The following PRDM9 variants were observed in gnomAD, a reference collection of about 807,000 sequenced individuals.
The protein encoded by PRDM9 is histone-lysine N-methyltransferase PRDM9.
A neutral mutation model predicts 55.6 loss-of-function variants in PRDM9; 47 were observed. The ratio of observed to expected loss-of-function variants is 0.85; its 90% CI spans 0.67 to 1.08. The LOEUF (loss-of-function observed/expected upper bound fraction) is 1.08, where lower values mean the gene tolerates loss of function less well. Ranked by LOEUF, PRDM9 falls within the 50% of genes least tolerant of loss-of-function variation. The probability of loss-of-function intolerance (pLI) is 0.00; values close to 1 mark genes in which losing one functional copy is unlikely to be tolerated. For synonymous variants in PRDM9, 312 were observed against 375.7 expected, an observed-to-expected ratio of 0.83 and a Z score of 1.96; for missense variants, 867 against 1,040.3, an observed-to-expected ratio of 0.83 and a Z score of 2.29.
chr5:23,519,978 A>C (rs2126422887), intron 5 of PRDM9, among the ~76,000 whole-genome samples: 1 of 151,844 alleles, frequency 6.6e-6, no homozygotes, highest in Non-Finnish European at 1.5e-5. Flanking sequence ...CGGGAGGTGA[A>C]GGCTGCAGTG....
At chr5:23,521,227 A>C (rs1739322168) in intron 6 of PRDM9, 48 bp downstream of exon 6, 1 of 1,605,032 alleles carries the variant, frequency 6.2e-7, no homozygotes, top group African/African-American at 1.3e-5. Flanking sequence ...TGTCCTCTAG[A>C]AAGGTTGATG....
chr5:23,523,197 T>G, intron 8 of PRDM9, 94 bp from the exon 9 acceptor site: 2 of 1,416,114 alleles, frequency 1.4e-6, no homozygotes, highest in African/African-American at 2.8e-5. Flanking sequence ...GCTGAAGCTA[T>G]GCAGGCCCAA....
In PRDM9 at chr5:23,509,878, C is replaced by A. The variant is rs747546513; in HGVS notation, c.194-42C>A. On this transcript the variant is annotated intron_variant, in intron 3 of 10. Coordinates refer to ENST00000296682, the MANE Select transcript of PRDM9 (RefSeq NM_020227.4). ...TTGCCACTGCCCTTTGTTCCTTCTCCCAGCTCTTCCATTTTAGAACAAAAT... is the reference window on the plus strand; with the variant it reads ...TTGCCACTGCCCTTTGTTCCTTCTCACAGCTCTTCCATTTTAGAACAAAAT... The A allele has an allele frequency of 1.5e-5, 24 of 1,608,188 alleles. No individual in the cohort carries two copies. In the Admixed American group the frequency reaches 2.7e-4, roughly 18 times the overall value.
chr5:23,512,536 C>T (rs10062249), intron 4 of PRDM9, among the ~76,000 whole-genome samples: 3,854 of 152,154 alleles, frequency 0.025, 152 homozygotes, highest in African/African-American at 0.086. Flanking sequence ...GGCTCTTTAG[C>T]GGGAATCTAT....
At position 23,522,356 on chromosome 5, in the gene PRDM9, G is replaced by C; in HGVS notation, c.561G>C (p.Lys187Asn). Residue 187 changes from lysine to asparagine, a missense_variant, in exon 7 of 11, where the codon AAG (lysine) becomes AAC (asparagine). Lys to Asn is a moderately conservative substitution (Grantham distance 94, BLOSUM62 0). This residue lies in a region of PRDM9 where 662 missense variants were observed against 711.9 expected (regional missense o/e 0.93). Transcript: ENST00000296682. ...AGATGTATAGCCTGCGAGAAAGAAA[G>C]GGTCATGCATACAAAGAGGTCAGCG... Reference protein sequence around the residue: ...ERKMYSLRERKGHAYKEVSEP... With the variant: ...ERKMYSLRERNGHAYKEVSEP... 1 of 1,614,146 alleles carries C rather than the reference G, an allele frequency of 6.2e-7. No homozygotes were observed. The highest frequency in any genetic ancestry group is 8.5e-7 in the Non-Finnish European group (1 of 1,180,024).
rs750001060 is a variant in PRDM9 at position 23,522,830 on chromosome 5, A to T, written c.827A>T (p.Tyr276Phe). 4 of 1,614,116 alleles carry T rather than the reference A, an allele frequency of 2.5e-6. No homozygotes were observed. The South Asian group carries it at 3.3e-5, about 13-fold the overall frequency. The change falls in exon 8 of 11, where the codon TAT becomes TTT. Residue 276 changes from tyrosine to phenylalanine, a missense_variant. By Grantham distance (22) the Tyr-to-Phe change is conservative. Transcript: ENST00000296682. ...CCGCTGGGTCTGCACTTTGGCCCTT[A>T]TGAGGGCCGAATTACAGAAGACGAA... ...DLPLGLHFGPYEGRITEDEEA... is the reference protein window; with the variant it reads ...DLPLGLHFGPFEGRITEDEEA...
Position 23,522,317 on chromosome 5 carries a change from G to A in PRDM9, c.522G>A (p.Lys174=), listed in dbSNP as rs1325070919. ...TCTCCAACCTAGAACTCAGGAAGAA[G>A]GAGACTGAAAGAAAGATGTATAGCC... ...HSRLKLELRK[K]ETERKMYSLR... is the part of the protein sequence containing the mutation. The change falls in exon 7 of 11, where the codon AAG becomes AAA. Residue 174 remains lysine (K), a synonymous_variant. Transcript: ENST00000296682. The A allele has an allele frequency of 5.0e-6, 8 of 1,613,690 alleles. No homozygotes were observed. Among genetic ancestry groups the A allele is most frequent in the Non-Finnish European group, 6.8e-6 (8 of 1,179,762 alleles).
chr5:23,518,671 T>C (rs1042836426), intron 5 of PRDM9, among the ~76,000 whole-genome samples: 2 of 152,234 alleles, frequency 1.3e-5, no homozygotes, highest in African/African-American at 4.8e-5. Flanking sequence ...AGACTTCATA[T>C]AGGTTACATC....
rs367694827 is a variant in PRDM9 at position 23,526,916 on chromosome 5, T to A, written c.1828T>A (p.Cys610Ser). The A allele has an allele frequency of 1.4e-5, 22 of 1,597,926 alleles. No homozygotes were observed. The highest frequency in any genetic ancestry group is 1.7e-5 in the Non-Finnish European group (20 of 1,175,460). Residue 610 changes from cysteine to serine, a missense_variant, in exon 11 of 11, where the codon TGC becomes AGC. Transcript: ENST00000296682. Reference protein sequence around the residue: ...RTHTGEKPYVCRECGRGFSRQ... With the variant: ...RTHTGEKPYVSRECGRGFSRQ... ...ACACACAGGGGAGAAGCCCTATGTC[T>A]GCAGGGAGTGTGGGCGGGGCTTTAG...
intron 9 of PRDM9, 55 bp from the exon 10 acceptor site, chr5:23,524,279 C>T (rs1739388345): frequency 6.3e-7 from 1 of 1,585,770 alleles, no homozygotes; most frequent in Non-Finnish European, 8.7e-7. Context: ...ATACCTGGAT[C>T]TGATACTGGG....
intron 9 of PRDM9, among the ~76,000 whole-genome samples, chr5:23,524,038 A>G (rs1739384316): frequency 6.6e-6 from 1 of 152,202 alleles, no homozygotes; most frequent in Non-Finnish European, 1.5e-5. Context: ...CTAGAAGTCA[A>G]TGTGTTTTAT....
rs546984859 is a variant in PRDM9, at chr5:23,527,969, G to A, written c.*196G>A. The A allele has an allele frequency of 1.3e-6, 1 of 754,398 alleles. No individual in the cohort carries two copies. The highest frequency in any genetic ancestry group is 1.7e-5 in the South Asian group (1 of 58,582). The allele number at this position is 754,398 out of a possible 1,614,324, so 46.7% of individuals were successfully genotyped here. A position where few individuals can be genotyped will look rare whatever the true frequency, so the allele number is the denominator to read the frequency against. On this transcript the variant is annotated 3_prime_UTR_variant, in exon 11 of 11. Transcript: ENST00000296682. ...ATGACTAGAGATGAGGAAGAACAAG[G>A]GATAGTTCTGTAAGTGTTCGGGGGA...
At position 23,527,770 on chromosome 5, in the gene PRDM9, G is replaced by A. The variant is rs368454585; in HGVS notation, c.2682G>A (p.Glu894=). The change falls in exon 11 of 11, where the codon GAG becomes GAA. Residue 894 remains glutamate (E), a synonymous_variant. Coordinates refer to ENST00000296682, the MANE Select transcript of PRDM9 (RefSeq NM_020227.4). ...GEKPYVCRED[E] The stretch of plus-strand genomic sequence containing the variant: ...AGCCCTACGTCTGCAGGGAGGATGA[G>A]TAAGTCATTAGTAATAAAACCTCAT... The A allele has an allele frequency of 1.2e-6, 2 of 1,614,000 alleles. No homozygotes were observed. Among genetic ancestry groups the A allele is most frequent in the African/African-American group, 1.3e-5 (1 of 74,906 alleles).
At chr5:23,508,547 A>AT (rs1299253290) in intron 1 of PRDM9, among the ~76,000 whole-genome samples, 1 of 152,002 alleles carries the variant, frequency 6.6e-6, no homozygotes, top group African/African-American at 2.4e-5. Flanking sequence ...CGAAATGTTC[A>AT]TTTTGTCTCG....
intron 6 of PRDM9, 82 bp downstream of exon 6, chr5:23,521,261 G>A (rs2126425326): frequency 6.5e-7 from 1 of 1,536,936 alleles, no homozygotes; most frequent in East Asian, 2.3e-5. Context: ...TATGTGGGGT[G>A]GACTTTGCAT....
At chr5:23,518,166 TA>T (rs1408670778) in intron 5 of PRDM9, among the ~76,000 whole-genome samples, 1 of 152,262 alleles carries the variant, frequency 6.6e-6, no homozygotes, top group Non-Finnish European at 1.5e-5. Flanking sequence ...TTTACATGAA[TA>T]AACTTTACAT....
At chr5:23,517,825 C>T in intron 4 of PRDM9, 56 bp from the exon 5 acceptor site, 1 of 1,418,510 alleles carries the variant, frequency 7.0e-7, no homozygotes, top group East Asian at 2.3e-5. Context: ...AAGAGAGAAT[C>T]TCTAGTGTTT....
In PRDM9 at chr5:23,524,536, CACTATTACTCTTTTAAAAGGACAGG is replaced by C. The variant is rs753750139; in HGVS notation, c.1144+11_1144+35del. 1 of 1,613,548 alleles carries C rather than the reference CACTATTACTCTTTTAAAAGGACAGG, an allele frequency of 6.2e-7. No homozygotes were observed. Among genetic ancestry groups the C allele is most frequent in the Admixed American group, 1.7e-5 (1 of 59,998 alleles). On this transcript the variant is annotated intron_variant, in intron 10 of 10. Coordinates refer to ENST00000296682, the MANE Select transcript of PRDM9 (RefSeq NM_020227.4). ...GCTCATGGCAGGGAGAGGTAGGCAT[CACTATTACTCTTTTAAAAGGACAGG>C]AAAGAAAGAATTATCCTAGAGAATT...
chr5:23,517,905 G>A lies in PRDM9; in HGVS notation c.326G>A (p.Arg109Lys), dbSNP rs968368742. The change falls in exon 5 of 11, where the codon AGA becomes AAA. Residue 109 changes from arginine to lysine, a missense_variant. By Grantham distance (26) the Arg-to-Lys change is conservative (BLOSUM62 2). Transcript: ENST00000296682. ...GTCAAACCTCCTTGGATGGCCTTAA[G>A]AGTGGAACAGCGTAAACACCAGAAG... ...QQVKPPWMAL[R>K]VEQRKHQKGM... The A allele has an allele frequency of 6.2e-7, 1 of 1,603,814 alleles. No individual in the cohort carries two copies. The highest frequency in any genetic ancestry group is 2.2e-5 in the East Asian group (1 of 44,826).
Sources: gnomAD v4.1 joint callset for allele counts (sites outside exome capture counted in the v4.1 genomes callset) on GRCh38, gnomAD v4.1.1 for gene constraint, gnomAD v4.1.1 regional missense constraint, MANE v1.5 for transcripts, NCBI Gene and HGNC (gene_info 2026-07-23, HGNC 2026-07-21) for gene names.